The following SNX29 variants were observed in gnomAD, a reference collection of about 807,000 sequenced individuals.
SNX29 encodes sorting nexin-29.
SNX29 carries 78 observed loss-of-function variants against 102.1 expected under a neutral mutation model. The observed-to-expected ratio is 0.76, with a 90% CI of 0.64 to 0.92. The LOEUF is 0.92. SNX29 is among the 40% of genes least tolerant of loss of function. The pLI, the probability that SNX29 is intolerant of heterozygous loss-of-function variation, is 0.00. For synonymous variants in SNX29, 580 were observed against 414.5 expected (o/e 1.40, Z -4.85); for missense variants, 1,280 against 1,061.7 (o/e 1.21, Z -2.86).
chr16:12,179,132 C>G (rs752469067), intron 13 of SNX29, among the ~76,000 whole-genome samples: 3 of 151,848 alleles, frequency 2.0e-5, no homozygotes, highest in Non-Finnish European at 4.4e-5. Context: ...GTGTAGATAT[C>G]TATAAGGTTT....
At chr16:12,277,528 G>T (rs116973233) in intron 14 of SNX29, among the ~76,000 whole-genome samples, 3 of 152,180 alleles carry the variant, frequency 2.0e-5, no homozygotes, top group African/African-American at 7.2e-5. Flanking sequence ...CTTGACTCCT[G>T]TGCTTCTGTC....
chr16:12,565,650 G>C (rs992073505), intron 20 of SNX29, among the ~76,000 whole-genome samples: 2 of 152,194 alleles, frequency 1.3e-5, no homozygotes, highest in African/African-American at 2.4e-5. Context: ...ATATAGCCTC[G>C]TGACAGCTCA....
intron 13 of SNX29, among the ~76,000 whole-genome samples, chr16:12,133,053 G>A (rs1440064059): frequency 1.3e-5 from 2 of 152,200 alleles, no homozygotes. Flanking sequence ...GGGCAGGGCA[G>A]TGGAGTGTCG....
chr16:12,355,843 T>TAAAAAAA (rs56358290), intron 15 of SNX29, among the ~76,000 whole-genome samples: 33 of 85,554 alleles, frequency 3.9e-4, no homozygotes, highest in South Asian at 5.8e-4. Context: ...GAGATCTTAT[T>TAAAAAAA]AAAAAAAAAA....
At position 12,140,022 on chromosome 16, in the gene SNX29, A is replaced by G. The variant is rs2054814839; in HGVS notation, c.1595+10264A>G. On this transcript the variant is annotated intron_variant, in intron 13 of 20. Coordinates refer to ENST00000566228, the MANE Select transcript of SNX29 (RefSeq NM_032167.5). ...AAAAAAAAGGAAAAGGAATCTTACCACTTAGAGTCAGTAGTAGGTGACAGA... is the reference window on the plus strand; with the variant it reads ...AAAAAAAAGGAAAAGGAATCTTACCGCTTAGAGTCAGTAGTAGGTGACAGA... 2.7e-5 allele frequency among the ~76,000 whole-genome samples: 4 copies of G among 149,128 alleles called. No individual in the cohort carries two copies. In the South Asian group the frequency reaches 6.3e-4, roughly 24 times the overall value.
At chr16:12,465,595 C>T (rs921917782) in intron 18 of SNX29, among the ~76,000 whole-genome samples, 2 of 152,002 alleles carry the variant, frequency 1.3e-5, no homozygotes, top group South Asian at 2.1e-4. Flanking sequence ...CAGCAGCAAA[C>T]GATTACTGTC....
intron 15 of SNX29, among the ~76,000 whole-genome samples, chr16:12,290,873 A>G (rs1240524963): frequency 6.6e-6 from 1 of 152,204 alleles, no homozygotes; most frequent in African/African-American, 2.4e-5. Flanking sequence ...CATGATGCAT[A>G]GCTAGAAAAT....
chr16:12,237,275 A>G (rs898474987), intron 14 of SNX29, among the ~76,000 whole-genome samples: 1 of 152,244 alleles, frequency 6.6e-6, no homozygotes, highest in African/African-American at 2.4e-5. Context: ...ATGCACAGCG[A>G]GAATCACAAA....
At position 12,542,472 on chromosome 16, in the gene SNX29, C is replaced by T. The variant is rs892991975; in HGVS notation, c.2318+17631C>T. Among the ~76,000 whole-genome samples, 12 of 152,236 alleles carry T rather than the reference C, an allele frequency of 7.9e-5. No homozygotes were observed. In the East Asian group the frequency reaches 2.3e-3, roughly 29 times the overall value. On this transcript the variant is annotated intron_variant, in intron 20 of 20. Transcript: ENST00000566228. ...TCAGCTTCCCAAGTAGCTGGGATTACAGGGACCCACTACCACACCTGGCTC... is the reference window on the plus strand; with the variant it reads ...TCAGCTTCCCAAGTAGCTGGGATTATAGGGACCCACTACCACACCTGGCTC...
chr16:12,523,114 T>C (rs963587494), intron 19 of SNX29, among the ~76,000 whole-genome samples: 2 of 152,176 alleles, frequency 1.3e-5, no homozygotes, highest in African/African-American at 4.8e-5. Flanking sequence ...ACACCTGGCC[T>C]GTGGGAGCTC....
chr16:12,398,316 C>G lies in SNX29; in HGVS notation c.1900-130C>G, dbSNP rs8055058. The G allele has an allele frequency of 1.8e-3, 1,759 of 993,386 alleles. 26 individuals are homozygous for G. In the African/African-American group the frequency reaches 0.024, roughly 14 times the overall value. The allele number at this position is 993,386 out of a possible 1,614,324, so 61.5% of individuals were successfully genotyped here. A position where few individuals can be genotyped will look rare whatever the true frequency, so the allele number is the denominator to read the frequency against. On this transcript the variant is annotated intron_variant, in intron 16 of 20. Transcript: ENST00000566228. ...ACAATCTCTTACCGTTTTCCAGTGA[C>G]TGCTTTTTCACTTCATTCTGAATAG...
At chr16:12,257,015 T>C (rs1244982251) in intron 14 of SNX29, among the ~76,000 whole-genome samples, 2 of 152,206 alleles carry the variant, frequency 1.3e-5, no homozygotes, top group Non-Finnish European at 2.9e-5. Flanking sequence ...AAGCCGTGGA[T>C]TTCAATGGGC....
At chr16:12,530,673 A>G (rs1567661016) in intron 20 of SNX29, among the ~76,000 whole-genome samples, 1 of 151,860 alleles carries the variant, frequency 6.6e-6, no homozygotes, top group Non-Finnish European at 1.5e-5. Flanking sequence ...CTCCTGCCTC[A>G]GCTTTCTGAG....
chr16:12,048,872 A>G (rs2050194377), intron 7 of SNX29, among the ~76,000 whole-genome samples: 1 of 152,072 alleles, frequency 6.6e-6, no homozygotes, highest in Non-Finnish European at 1.5e-5. Context: ...AGTGTGAGAG[A>G]CACCGGGAGC....
intron 3 of SNX29, among the ~76,000 whole-genome samples, chr16:12,011,181 T>G (rs2056639567): frequency 6.6e-6 from 1 of 150,654 alleles, no homozygotes; most frequent in African/African-American, 2.4e-5. Context: ...TTAAATGAAT[T>G]GCTTGGGGTT....
At chr16:12,115,793 T>C (rs1030209190) in intron 11 of SNX29, among the ~76,000 whole-genome samples, 2 of 152,174 alleles carry the variant, frequency 1.3e-5, no homozygotes, top group Non-Finnish European at 2.9e-5. Flanking sequence ...CCTTTCTTTG[T>C]GAAACACATG....
chr16:12,401,340 T>C (rs1250717900), intron 17 of SNX29, among the ~76,000 whole-genome samples: 1 of 151,782 alleles, frequency 6.6e-6, no homozygotes, highest in Non-Finnish European at 1.5e-5. Context: ...AGTATCTTCC[T>C]TGACCACAAT....
intron 18 of SNX29, among the ~76,000 whole-genome samples, chr16:12,408,512 CG>C (rs941299324): frequency 6.6e-6 from 1 of 152,186 alleles, no homozygotes; most frequent in Non-Finnish European, 1.5e-5. Context: ...GAACCTGCCT[CG>C]GGGTGGCTGC....
chr16:12,172,677 G>C (rs2076175347), intron 13 of SNX29, among the ~76,000 whole-genome samples: 1 of 152,212 alleles, frequency 6.6e-6, no homozygotes, highest in Non-Finnish European at 1.5e-5. Context: ...AATTGTCATT[G>C]TCATTAACAT....
Sources: allele counts gnomAD v4.1 joint callset (sites outside exome capture counted in the v4.1 genomes callset), GRCh38; gene constraint gnomAD v4.1.1; transcripts MANE v1.5; gene names NCBI Gene and HGNC (gene_info 2026-07-23, HGNC 2026-07-21).